Variants in GPBAR1 observed in about 807,000 individuals in gnomAD.
The protein encoded by GPBAR1 is G protein-coupled bile acid receptor 1, also known as G-protein coupled bile acid receptor 1.
GPBAR1 carries 13 observed loss-of-function variants against 13.0 expected under a neutral mutation model. That is an observed-to-expected ratio of 1.00 (90% confidence interval 0.65 to 1.59). The LOEUF is 1.59. Ranked by LOEUF, GPBAR1 falls within the 40% of genes most tolerant of loss-of-function variation. GPBAR1 has a pLI of 0.00. For missense variants in GPBAR1, 398 were observed against 436.4 expected (o/e 0.91, Z 0.78); for synonymous variants, 193 against 205.2 (o/e 0.94, Z 0.51).
rs1292051394 is a variant in GPBAR1, at chr2:218,262,733, C to T, written c.9C>T (p.Pro3=). ...CTGTCCCCAGGACCAAGATGACGCCCAACAGCACTGGCGAGGTGCCCAGCC... is the reference window on the plus strand; with the variant it reads ...CTGTCCCCAGGACCAAGATGACGCCTAACAGCACTGGCGAGGTGCCCAGCC... MT[P]NSTGEVPSPI... Residue 3 remains proline, a synonymous_variant, in exon 2 of 2, where the codon CCC becomes CCT. Coordinates refer to ENST00000519574, the MANE Select transcript of GPBAR1 (RefSeq NM_170699.3). This position sits in a 1 kb window ranked among gnomAD's most constrained non-coding sequence, Gnocchi z 5.1. 1.3e-6 allele frequency: 2 copies of T among 1,589,550 alleles called. No homozygotes were observed. The highest frequency in any genetic ancestry group is 1.1e-5 in the South Asian group (1 of 88,798).
chr2:218,262,922 G>C lies in GPBAR1; in HGVS notation c.198G>C (p.Leu66=). ...SLLLAGLLTG[L]ALPTLPGLWN... ...TGCTGGCTGGGCTGCTCACGGGTCT[G>C]GCATTGCCCACATTGCCAGGGCTGT... Residue 66 remains leucine, a synonymous_variant, in exon 2 of 2, where the codon CTG becomes CTC. Transcript: ENST00000519574. This position sits in a 1 kb window ranked among gnomAD's most constrained non-coding sequence, Gnocchi z 5.1. 10 of 1,613,818 alleles carry C rather than the reference G, an allele frequency of 6.2e-6. No individual in the cohort carries two copies. Among genetic ancestry groups the C allele is most frequent in the Non-Finnish European group, 8.5e-6 (10 of 1,179,816 alleles).
chr2:218,263,331 G>C lies in GPBAR1; in HGVS notation c.607G>C (p.Glu203Gln). 1 of 1,603,154 alleles carries C rather than the reference G, an allele frequency of 6.2e-7. No homozygotes were observed. The highest frequency in any genetic ancestry group is 8.5e-7 in the Non-Finnish European group (1 of 1,177,308). The change falls in exon 2 of 2, where the codon GAG becomes CAG. Residue 203 changes from glutamate to glutamine, a missense_variant. Transcript: ENST00000519574. This position sits in a 1 kb window ranked among gnomAD's most constrained non-coding sequence, Gnocchi z 4.2. Reference protein sequence around the residue: ...HRQLQDICRLERAVCRDEPSA... With the variant: ...HRQLQDICRLQRAVCRDEPSA... Reference sequence around the variant, plus strand: ...CCAGCTGCAGGACATCTGCCGGCTGGAGCGGGCAGTGTGCCGCGATGAGCC... The same window carrying C: ...CCAGCTGCAGGACATCTGCCGGCTGCAGCGGGCAGTGTGCCGCGATGAGCC...
At position 218,262,387 on chromosome 2, in the gene GPBAR1, C is replaced by A; in HGVS notation, c.-45-293C>A. 3.6e-6 allele frequency: 1 copy of A among 279,088 alleles called. No homozygotes were observed. Among genetic ancestry groups the A allele is most frequent in the Non-Finnish European group, 6.8e-6 (1 of 147,762 alleles). 17.3% of individuals were successfully genotyped at this position (279,088 alleles called of 1,614,324 possible). ...CACAGCTGCCCAGAAAAGGCAGATACCAGAAATGGATAAAGCTGGCTGGGT... is the reference window on the plus strand; with the variant it reads ...CACAGCTGCCCAGAAAAGGCAGATAACAGAAATGGATAAAGCTGGCTGGGT... On this transcript the variant is annotated intron_variant, in intron 1 of 1. Coordinates refer to ENST00000519574, the MANE Select transcript of GPBAR1 (RefSeq NM_170699.3). This position sits in a 1 kb window ranked among gnomAD's most constrained non-coding sequence, Gnocchi z 5.1.
In GPBAR1 at chr2:218,263,007, T is replaced by C. The variant is rs558257242; in HGVS notation, c.283T>C (p.Ser95Pro). Residue 95 changes from serine to proline, a missense_variant, in exon 2 of 2, where the codon TCC becomes CCC. Coordinates refer to ENST00000519574, the MANE Select transcript of GPBAR1 (RefSeq NM_170699.3). This position sits in a 1 kb window ranked among gnomAD's most constrained non-coding sequence, Gnocchi z 4.2. ...CCTCGTCTACTTGGCTCCCAACTTC[T>C]CCTTCCTCTCCCTGCTTGCCAACCT... ...CLLVYLAPNFSFLSLLANLLL... is the reference protein window; with the variant it reads ...CLLVYLAPNFPFLSLLANLLL... 6.2e-6 allele frequency: 10 copies of C among 1,613,748 alleles called. No homozygotes were observed. Among genetic ancestry groups the C allele is most frequent in the Non-Finnish European group, 8.5e-6 (10 of 1,179,824 alleles).
In GPBAR1 at chr2:218,261,229, T is replaced by G. The variant is rs1690404810; in HGVS notation, c.-46+13T>G. On this transcript the variant is annotated intron_variant, in intron 1 of 1. Transcript: ENST00000519574. ...TCCCAACAGCCATGTGAGTAGCTAC[T>G]CCCCCAAACCCCCAAACCCCAGATC... The G allele has an allele frequency of 6.6e-6, 1 of 152,228 alleles. No individual in the cohort carries two copies. Among genetic ancestry groups the G allele is most frequent in the African/African-American group, 2.4e-5 (1 of 41,372 alleles). 9.4% of individuals were successfully genotyped at this position (152,228 alleles called of 1,614,324 possible).
Position 218,262,571 on chromosome 2 carries a change from C to T in GPBAR1, c.-45-109C>T, listed in dbSNP as rs1690453905. On this transcript the variant is annotated intron_variant, in intron 1 of 1. Coordinates refer to ENST00000519574, the MANE Select transcript of GPBAR1 (RefSeq NM_170699.3). The surrounding 1 kb of genome is among the most constrained non-coding windows in gnomAD (Gnocchi z 5.1). The stretch of plus-strand genomic sequence containing the variant: ...TTGAAAAATTCTGTGTATCAGCGAA[C>T]ATGATACAGCCCACAGCCTGCGGGT... The T allele has an allele frequency of 2.9e-6, 2 of 685,682 alleles. No individual in the cohort carries two copies. Among genetic ancestry groups the T allele is most frequent in the Admixed American group, 6.0e-5 (2 of 33,322 alleles). 42.5% of individuals were successfully genotyped at this position (685,682 alleles called of 1,614,324 possible). A position where few individuals can be genotyped will look rare whatever the true frequency, so the allele number is the denominator to read the frequency against.
Position 218,262,697 on chromosome 2 carries a change from C to G in GPBAR1, c.-28C>G. ...TCCTGCAGGCATGCCGGCTGCCGCT[C>G]CAGGACTCCCCTGTCCCCAGGACCA... On this transcript the variant is annotated 5_prime_UTR_variant, in exon 2 of 2. Transcript: ENST00000519574. The surrounding 1 kb of genome is among the most constrained non-coding windows in gnomAD (Gnocchi z 5.1). 6.5e-7 allele frequency: 1 copy of G among 1,532,224 alleles called. No homozygotes were observed. Among genetic ancestry groups the G allele is most frequent in the Non-Finnish European group, 8.8e-7 (1 of 1,141,554 alleles). 94.9% of individuals were successfully genotyped at this position (1,532,224 alleles called of 1,614,324 possible). A position where few individuals can be genotyped will look rare whatever the true frequency, so the allele number is the denominator to read the frequency against.
At position 218,262,166 on chromosome 2, in the gene GPBAR1, G is replaced by T; in HGVS notation, c.-45-514G>T. The T allele has an allele frequency of 6.5e-6, 1 of 154,200 alleles. No individual in the cohort carries two copies. The highest frequency in any genetic ancestry group is 1.4e-5 in the Non-Finnish European group (1 of 69,354). The allele number at this position is 154,200 out of a possible 1,614,324, so 9.6% of individuals were successfully genotyped here. A position where few individuals can be genotyped will look rare whatever the true frequency, so the allele number is the denominator to read the frequency against. On this transcript the variant is annotated intron_variant, in intron 1 of 1. Coordinates refer to ENST00000519574, the MANE Select transcript of GPBAR1 (RefSeq NM_170699.3). This position sits in a 1 kb window ranked among gnomAD's most constrained non-coding sequence, Gnocchi z 5.1. ...CTGAGCTGTGATGGCTACAAGGACAGATGGGGGGAAGGGTGCAGGGTGCCC... is the reference window on the plus strand; with the variant it reads ...CTGAGCTGTGATGGCTACAAGGACATATGGGGGGAAGGGTGCAGGGTGCCC...
chr2:218,263,703 CTGGACTTGAACTAAA>C lies in GPBAR1; in HGVS notation c.980_*1del. On this transcript the variant is annotated stop_lost and 3_prime_UTR_variant, in exon 2 of 2. Coordinates refer to ENST00000519574, the MANE Select transcript of GPBAR1 (RefSeq NM_170699.3). This position sits in a 1 kb window ranked among gnomAD's most constrained non-coding sequence, Gnocchi z 4.2. ...CCCAAGCAGCCAAAGCAGTGTCGAC[CTGGACTTGAACTAAA>C]GGAAGGGCCTCTGCTGACTCCTACC... 6.2e-7 allele frequency: 1 copy of C among 1,612,978 alleles called. No homozygotes were observed. The highest frequency in any genetic ancestry group is 8.5e-7 in the Non-Finnish European group (1 of 1,179,886).
In GPBAR1 at chr2:218,263,449, C is replaced by G. The variant is rs1690515868; in HGVS notation, c.725C>G (p.Ala242Gly). Residue 242 changes from alanine to glycine, a missense_variant, in exon 2 of 2, where the codon GCC becomes GGC. By Grantham distance (60) the Ala-to-Gly change is moderately conservative. Coordinates refer to ENST00000519574, the MANE Select transcript of GPBAR1 (RefSeq NM_170699.3). The surrounding 1 kb of genome is among the most constrained non-coding windows in gnomAD (Gnocchi z 4.2). The part of the protein sequence containing the change: ...LFGLCWGPYV[A>G]TLLLSVLAYE... Reference sequence around the variant, plus strand: ...GGGCTGTGCTGGGGGCCCTACGTGGCCACACTGCTCCTCTCAGTCCTGGCC... The same window carrying G: ...GGGCTGTGCTGGGGGCCCTACGTGGGCACACTGCTCCTCTCAGTCCTGGCC... 1 of 1,603,746 alleles carries G rather than the reference C, an allele frequency of 6.2e-7. No homozygotes were observed. The highest frequency in any genetic ancestry group is 1.7e-5 in the Admixed American group (1 of 58,928).
rs1574607751 is a variant in GPBAR1, at chr2:218,263,808, A to C, written c.*91A>C. The C allele has an allele frequency of 1.8e-5, 27 of 1,477,322 alleles. No homozygotes were observed. Among genetic ancestry groups the C allele is most frequent in the Non-Finnish European group, 9.4e-7 (1 of 1,058,536 alleles). The allele number at this position is 1,477,322 out of a possible 1,614,324, so 91.5% of individuals were successfully genotyped here. A position where few individuals can be genotyped will look rare whatever the true frequency, so the allele number is the denominator to read the frequency against. On this transcript the variant is annotated 3_prime_UTR_variant, in exon 2 of 2. Coordinates refer to ENST00000519574, the MANE Select transcript of GPBAR1 (RefSeq NM_170699.3). This position sits in a 1 kb window ranked among gnomAD's most constrained non-coding sequence, Gnocchi z 4.2. ...CGGGCCCCACTTCTCTGGATCAGAG[A>C]CCCTGCCTCTGTTTGACCCCGCACT... is the stretch of plus-strand genomic sequence containing the variant.
chr2:218,263,809 C>T lies in GPBAR1; in HGVS notation c.*92C>T. 2.7e-6 allele frequency: 4 copies of T among 1,461,506 alleles called. No individual in the cohort carries two copies. Among genetic ancestry groups the T allele is most frequent in the Non-Finnish European group, 3.8e-6 (4 of 1,043,628 alleles). The allele number at this position is 1,461,506 out of a possible 1,614,324, so 90.5% of individuals were successfully genotyped here. On this transcript the variant is annotated 3_prime_UTR_variant, in exon 2 of 2. Transcript: ENST00000519574. This position sits in a 1 kb window ranked among gnomAD's most constrained non-coding sequence, Gnocchi z 4.2. ...GGGCCCCACTTCTCTGGATCAGAGA[C>T]CCTGCCTCTGTTTGACCCCGCACTG...
upstream of GPBAR1, among the ~76,000 whole-genome samples, chr2:218,260,467 A>G (rs1016363827): frequency 2.0e-5 from 3 of 152,176 alleles, no homozygotes; most frequent in Non-Finnish European, 4.4e-5. Context: ...TCTTGTTCCC[A>G]TTTTAACACA....
At position 218,263,146 on chromosome 2, in the gene GPBAR1, T is replaced by C. The variant is rs1172203675; in HGVS notation, c.422T>C (p.Leu141Pro). 1.2e-6 allele frequency: 2 copies of C among 1,611,832 alleles called. No homozygotes were observed. Among genetic ancestry groups the C allele is most frequent in the Non-Finnish European group, 1.7e-6 (2 of 1,179,866 alleles). The change falls in exon 2 of 2, where the codon CTG becomes CCG. Residue 141 changes from leucine to proline, a missense_variant. Transcript: ENST00000519574. This position sits in a 1 kb window ranked among gnomAD's most constrained non-coding sequence, Gnocchi z 4.2. ...GCTGGTCCCCTGCTCTTTGCCAGTC[T>C]GCCCGCTCTGGGGTGGAACCACTGG... Reference protein sequence around the residue: ...TWAGPLLFASLPALGWNHWTP... With the variant: ...TWAGPLLFASPPALGWNHWTP...
chr2:218,259,623 C>T (rs1461830290), upstream of GPBAR1: 1 of 152,310 alleles, frequency 6.6e-6, no homozygotes, highest in Non-Finnish European at 1.5e-5. Context: ...CAACAGAAGT[C>T]CCTGATCTCC....
chr2:218,263,591 C>A lies in GPBAR1; in HGVS notation c.867C>A (p.Ala289=). 1.2e-6 allele frequency: 2 copies of A among 1,612,754 alleles called. No homozygotes were observed. Among genetic ancestry groups the A allele is most frequent in the Non-Finnish European group, 1.7e-6 (2 of 1,179,834 alleles). Residue 289 remains alanine, a synonymous_variant, in exon 2 of 2, where the codon GCC becomes GCA. Transcript: ENST00000519574. The surrounding 1 kb of genome is among the most constrained non-coding windows in gnomAD (Gnocchi z 4.2). The part of the protein sequence containing the change: ...AMGLGDQRYT[A]PWRAAAQRCL... ...GGCTGGGCGATCAGCGCTACACAGC[C>A]CCCTGGAGGGCAGCCGCCCAAAGGT... is the stretch of plus-strand genomic sequence containing the variant.
Position 218,262,336 on chromosome 2 carries a change from CT to C in GPBAR1, c.-45-341del. On this transcript the variant is annotated intron_variant, in intron 1 of 1. Coordinates refer to ENST00000519574, the MANE Select transcript of GPBAR1 (RefSeq NM_170699.3). The surrounding 1 kb of genome is among the most constrained non-coding windows in gnomAD (Gnocchi z 5.1). ...ATGCTTTGGGGCTGGATGGGCCCGC[CT>C]TTCAGTCTAAACAAGAGACCTCAAC... The C allele has an allele frequency of 5.3e-6, 1 of 187,564 alleles. No homozygotes were observed. Among genetic ancestry groups the C allele is most frequent in the Non-Finnish European group, 1.1e-5 (1 of 89,578 alleles). The allele number at this position is 187,564 out of a possible 1,614,324, so 11.6% of individuals were successfully genotyped here.
Position 218,263,632 on chromosome 2 carries a change from G to A in GPBAR1, c.908G>A (p.Trp303Ter). 6.2e-7 allele frequency: 1 copy of A among 1,612,810 alleles called. No individual in the cohort carries two copies. ...GCCCAAAGGTGCCTGCAGGGGCTGT[G>A]GGGAAGAGCCTCCCGGGACAGTCCC... ...AAAQRCLQGL[W>*]GRASRDSPGP... Residue 303 changes from tryptophan to a stop codon, truncating the protein, a stop_gained, in exon 2 of 2, where the codon TGG becomes TAG. Coordinates refer to ENST00000519574, the MANE Select transcript of GPBAR1 (RefSeq NM_170699.3). LOFTEE classifies it low-confidence loss of function (END_TRUNC). The surrounding 1 kb of genome is among the most constrained non-coding windows in gnomAD (Gnocchi z 4.2).
In GPBAR1 at chr2:218,263,611, A is replaced by T. The variant is rs115448647; in HGVS notation, c.887A>T (p.Gln296Leu). The T allele has an allele frequency of 6.2e-7, 1 of 1,612,840 alleles. No individual in the cohort carries two copies. Among genetic ancestry groups the T allele is most frequent in the East Asian group, 2.2e-5 (1 of 44,882 alleles). The change falls in exon 2 of 2, where the codon CAA becomes CTA. Residue 296 changes from glutamine to leucine, a missense_variant. Transcript: ENST00000519574. This position sits in a 1 kb window ranked among gnomAD's most constrained non-coding sequence, Gnocchi z 4.2. ...ACAGCCCCCTGGAGGGCAGCCGCCC[A>T]AAGGTGCCTGCAGGGGCTGTGGGGA... is the stretch of plus-strand genomic sequence containing the variant. ...RYTAPWRAAA[Q>L]RCLQGLWGRA...
Sources: allele counts gnomAD v4.1 joint callset (sites outside exome capture counted in the v4.1 genomes callset), GRCh38; gene constraint gnomAD v4.1.1; non-coding constraint Gnocchi (gnomAD v3.1); transcripts MANE v1.5; gene names NCBI Gene and HGNC (gene_info 2026-07-23, HGNC 2026-07-21).